The following CSMD2 variants were observed in gnomAD, a reference collection of about 807,000 sequenced individuals.
CSMD2 encodes the protein CUB and Sushi multiple domains 2.
A neutral mutation model predicts 398.5 loss-of-function variants in CSMD2; 130 were observed. The ratio of observed to expected loss-of-function variants is 0.33; its 90% CI spans 0.28 to 0.38. The LOEUF is 0.38. Among genes scored for constraint, CSMD2 ranks in the 10% least tolerant of loss-of-function variants. CSMD2 has a pLI of 1.00. For missense variants in CSMD2, 3,829 were observed against 4,764.9 expected (o/e 0.80, Z 5.78); for synonymous variants, 1,828 against 1,908.5 (o/e 0.96, Z 1.10).
At chr1:33,703,371 A>G (rs2149129570) in intron 22 of CSMD2, among the ~76,000 whole-genome samples, 1 of 152,294 alleles carries the variant, frequency 6.6e-6, no homozygotes, top group South Asian at 2.1e-4. Flanking sequence ...TATGTCTCTC[A>G]CTACCATTCT....
At chr1:33,973,062 C>G (rs1645829381) in intron 3 of CSMD2, among the ~76,000 whole-genome samples, 1 of 152,198 alleles carries the variant, frequency 6.6e-6, no homozygotes, top group Non-Finnish European at 1.5e-5. Context: ...CCCCAAGACT[C>G]AGCTCCCAGC....
At chr1:33,708,091 C>G (rs1021752890) in intron 22 of CSMD2, among the ~76,000 whole-genome samples, 1 of 152,146 alleles carries the variant, frequency 6.6e-6, no homozygotes, top group Non-Finnish European at 1.5e-5. Context: ...CAGACATACA[C>G]CACACATTAT....
intron 5 of CSMD2, chr1:33,870,189 C>A (rs1019048474): frequency 6.6e-6 from 1 of 152,024 alleles, no homozygotes; most frequent in Non-Finnish European, 1.5e-5. Context: ...ATCATGTGAC[C>A]ACTTGTCACA....
In CSMD2 at chr1:34,096,941, C is replaced by T. The variant is rs1292369829; in HGVS notation, c.188-7748G>A. 6.7e-5 allele frequency among the ~76,000 whole-genome samples: 10 copies of T among 149,966 alleles called. No individual in the cohort carries two copies. The East Asian group carries it at 2.0e-3, about 30-fold the overall frequency. On this transcript the variant is annotated intron_variant, in intron 1 of 70. Coordinates refer to ENST00000373381, the MANE Select transcript of CSMD2 (RefSeq NM_001281956.2). ...AAGTTCATATGAAACCAAAAAAGAGCCCGCATCGCCAAGTCAATCCTAAGC... is the reference window on the plus strand; with the variant it reads ...AAGTTCATATGAAACCAAAAAAGAGTCCGCATCGCCAAGTCAATCCTAAGC...
chr1:34,025,550 T>C (rs1250661082), intron 3 of CSMD2, among the ~76,000 whole-genome samples: 1 of 152,186 alleles, frequency 6.6e-6, no homozygotes, highest in Non-Finnish European at 1.5e-5. Flanking sequence ...CTGTGAATCT[T>C]ATGGAAGAGT....
intron 15 of CSMD2, among the ~76,000 whole-genome samples, chr1:33,736,411 G>A (rs1272037242): frequency 1.3e-5 from 2 of 151,930 alleles, no homozygotes; most frequent in South Asian, 2.1e-4. Context: ...AACCTGGGAG[G>A]TGGAGCTTGC....
At chr1:33,567,563 A>G (rs1235771003) in intron 53 of CSMD2, 30 bp downstream of exon 53, 2 of 1,610,770 alleles carry the variant, frequency 1.2e-6, no homozygotes, top group South Asian at 1.1e-5. Flanking sequence ...TCTGAGCCCC[A>G]TGACTAGGGA....
intron 14 of CSMD2, among the ~76,000 whole-genome samples, chr1:33,742,842 C>T (rs76401311): frequency 6.4e-4 from 98 of 152,216 alleles, no homozygotes; most frequent in African/African-American, 2.2e-3. Flanking sequence ...TGAGCAGCCC[C>T]GGCACGAACT....
chr1:33,576,529 T>C (rs1451750784), intron 49 of CSMD2, among the ~76,000 whole-genome samples: 1 of 152,124 alleles, frequency 6.6e-6, no homozygotes, highest in African/African-American at 2.4e-5. Context: ...AGGCAGAGGT[T>C]GCAGTGAGCT....
chr1:33,751,106 G>A (rs1648174004), intron 13 of CSMD2, among the ~76,000 whole-genome samples: 1 of 151,308 alleles, frequency 6.6e-6, no homozygotes, highest in Non-Finnish European at 1.5e-5. Context: ...AAATTAAGAG[G>A]CAACCAACAA....
intron 1 of CSMD2, among the ~76,000 whole-genome samples, chr1:34,162,717 G>A (rs1243778376): frequency 6.6e-6 from 1 of 152,100 alleles, no homozygotes; most frequent in African/African-American, 2.4e-5. Context: ...AAATTAACCG[G>A]GCGTGGTGAC....
At chr1:33,907,656 C>T (rs148779341) in intron 5 of CSMD2, among the ~76,000 whole-genome samples, 1 of 152,164 alleles carries the variant, frequency 6.6e-6, no homozygotes, top group Non-Finnish European at 1.5e-5. Flanking sequence ...CCCCAAATGA[C>T]CCAAACTGTT....
At chr1:33,544,581 A>G (rs1656693312) in intron 57 of CSMD2, among the ~76,000 whole-genome samples, 1 of 152,068 alleles carries the variant, frequency 6.6e-6, no homozygotes, top group African/African-American at 2.4e-5. Flanking sequence ...GAGCTGTGAA[A>G]ATAACTTCTT....
rs1433091199 is a variant in CSMD2 at position 33,559,403 on chromosome 1, A to G, written c.8451T>C (p.Asp2817=). 1 of 1,536,120 alleles carries G rather than the reference A, an allele frequency of 6.5e-7. No homozygotes were observed. ...CAGGGTTGCAAACAAACTTGACCAC[A>G]TCGTTGAGGTTAAACTGGTTACCCT... is the stretch of plus-strand genomic sequence containing the variant. ...LTQGNQFNLN[D]VVKFVCNPGY... Residue 2817 remains aspartate (D), a synonymous_variant, in exon 54 of 71, where the codon GAT becomes GAC. Transcript: ENST00000373381. The surrounding 1 kb of genome is among the most constrained non-coding windows in gnomAD (Gnocchi z 4.0).
intron 15 of CSMD2, among the ~76,000 whole-genome samples, chr1:33,726,926 C>T (rs1485855713): frequency 6.6e-6 from 1 of 152,146 alleles, no homozygotes; most frequent in East Asian, 1.9e-4. Flanking sequence ...AGCAAAGTCC[C>T]TTTGTCATTC....
At chr1:33,659,763 G>A (rs1046570712) in intron 26 of CSMD2, among the ~76,000 whole-genome samples, 3 of 152,310 alleles carry the variant, frequency 2.0e-5, no homozygotes, top group African/African-American at 4.8e-5. Flanking sequence ...GATTGTATAC[G>A]AGTCTTGAGT....
intron 28 of CSMD2, among the ~76,000 whole-genome samples, chr1:33,651,053 T>C (rs1643728263): frequency 6.6e-6 from 1 of 152,234 alleles, no homozygotes. Flanking sequence ...TTAGAGGATG[T>C]TAAAATGGAA....
Position 33,624,594 on chromosome 1 carries a change from A to G in CSMD2, c.5550T>C (p.Pro1850=), listed in dbSNP as rs892629170. Reference sequence around the variant, plus strand: ...TGTTGAGGTACGGCTCTGGGAAGCCAGGGGACAGGATGGTGCCCCTGCGCT... The same window carrying G: ...TGTTGAGGTACGGCTCTGGGAAGCCGGGGGACAGGATGGTGCCCCTGCGCT... ...LTERRGTILS[P]GFPEPYLNSL... Residue 1850 remains proline, a synonymous_variant, in exon 35 of 71, where the codon CCT becomes CCC. Coordinates refer to ENST00000373381, the MANE Select transcript of CSMD2 (RefSeq NM_001281956.2). The surrounding 1 kb of genome is among the most constrained non-coding windows in gnomAD (Gnocchi z 4.7). 11 of 1,613,868 alleles carry G rather than the reference A, an allele frequency of 6.8e-6. No homozygotes were observed. The African/African-American group carries it at 1.5e-4, about 22-fold the overall frequency.
chr1:33,739,068 T>C, intron 15 of CSMD2, 72 bp downstream of exon 15: 1 of 1,464,120 alleles, frequency 6.8e-7, no homozygotes, highest in South Asian at 1.2e-5. Flanking sequence ...CACCATGGCC[T>C]GGGCTGCTTG....
Sources: gnomAD v4.1 joint callset for allele counts (sites outside exome capture counted in the v4.1 genomes callset) on GRCh38, gnomAD v4.1.1 for gene constraint, Gnocchi (gnomAD v3.1) non-coding constraint, MANE v1.5 for transcripts, NCBI Gene and HGNC (gene_info 2026-07-23, HGNC 2026-07-21) for gene names.